MCM9: variants seen among roughly 807,000 people sequenced by gnomAD.
MCM9 encodes the protein DNA helicase MCM9.
A neutral mutation model predicts 72.8 loss-of-function variants in MCM9; 55 were observed. That is an observed-to-expected ratio of 0.76 (90% CI 0.61 to 0.95). The LOEUF (loss-of-function observed/expected upper bound fraction) is 0.95, where lower values mean the gene tolerates loss of function less well. Among genes scored for constraint, MCM9 ranks in the 40% least tolerant of loss-of-function variants. MCM9 has a pLI of 0.00. For synonymous variants in MCM9, 480 were observed against 503.4 expected (o/e 0.95, Z 0.62); for missense variants, 1,279 against 1,377.0 (o/e 0.93, Z 1.13).
intron 8 of MCM9, among the ~76,000 whole-genome samples, chr6:118,881,229 A>C (rs1778267782): frequency 6.6e-6 from 1 of 152,078 alleles, no homozygotes; most frequent in Admixed American, 6.6e-5. Flanking sequence ...ATTACGTATA[A>C]TTTTATAATA....
In MCM9 at chr6:118,913,309, C is replaced by G. The variant is rs1245406276; in HGVS notation, c.1016G>C (p.Gly339Ala). 1 of 1,614,114 alleles carries G rather than the reference C, an allele frequency of 6.2e-7. No homozygotes were observed. The highest frequency in any genetic ancestry group is 1.3e-5 in the African/African-American group (1 of 75,032). Residue 339 changes from glycine to alanine, a missense_variant, in exon 7 of 14, where the codon GGA (glycine) becomes GCA (alanine). Gly to Ala is a moderately conservative substitution (Grantham distance 60). Coordinates refer to ENST00000619706, the MANE Select transcript of MCM9 (RefSeq NM_017696.3). The part of the protein sequence containing the change: ...AGGIQRTDAT[G>A]TRVRGESHLL... ...TAGGTACTAACCTCTGACCCGTGTTCCTGTAGCATCAGTCCTTTGAATCCC... is the reference window on the plus strand; with the variant it reads ...TAGGTACTAACCTCTGACCCGTGTTGCTGTAGCATCAGTCCTTTGAATCCC...
At chr6:118,907,717 G>T in intron 8 of MCM9, 1 of 861,064 alleles carries the variant, frequency 1.2e-6, no homozygotes. Context: ...TGAAGAATTT[G>T]TTTAAAAACA....
At chr6:118,867,885 C>CT (rs1425137310) in intron 8 of MCM9, among the ~76,000 whole-genome samples, 3 of 142,894 alleles carry the variant, frequency 2.1e-5, no homozygotes, top group African/African-American at 5.1e-5. Flanking sequence ...TTTTCTTTTT[C>CT]TTTTTTTTTG....
chr6:118,854,023 T>C (rs1160017516), intron 9 of MCM9, among the ~76,000 whole-genome samples: 1 of 152,218 alleles, frequency 6.6e-6, no homozygotes, highest in Non-Finnish European at 1.5e-5. Context: ...TATAAATGTA[T>C]ATTTTATTTC....
At chr6:118,874,030 G>A (rs1777780152) in intron 8 of MCM9, among the ~76,000 whole-genome samples, 1 of 152,110 alleles carries the variant, frequency 6.6e-6, no homozygotes, top group Non-Finnish European at 1.5e-5. Context: ...AAGGTGGGCG[G>A]ATTGCTTGAG....
At chr6:118,825,370 A>G (rs1268147395) in intron 13 of MCM9, among the ~76,000 whole-genome samples, 1 of 152,206 alleles carries the variant, frequency 6.6e-6, no homozygotes, top group Non-Finnish European at 1.5e-5. Flanking sequence ...CTGAAGTTTC[A>G]AAAACTAGAA....
chr6:118,907,695 C>T lies in MCM9; in HGVS notation c.1150+3955G>A. 9 of 1,066,318 alleles carry T rather than the reference C, an allele frequency of 8.4e-6. No individual in the cohort carries two copies. The South Asian group carries it at 1.4e-4, about 17-fold the overall frequency. 66.1% of individuals were successfully genotyped at this position (1,066,318 alleles called of 1,614,324 possible). A position where few individuals can be genotyped will look rare whatever the true frequency, so the allele number is the denominator to read the frequency against. Reference sequence around the variant, plus strand: ...CCCTGAAATTCCGTAAGTACATAGTCAAAACACAATGTGAAGAATTTGTTT... The same window carrying T: ...CCCTGAAATTCCGTAAGTACATAGTTAAAACACAATGTGAAGAATTTGTTT... On this transcript the variant is annotated intron_variant, in intron 8 of 13. Coordinates refer to ENST00000619706, the MANE Select transcript of MCM9 (RefSeq NM_017696.3).
At chr6:118,876,432 TAC>T (rs1035611535) in intron 8 of MCM9, among the ~76,000 whole-genome samples, 1 of 152,230 alleles carries the variant, frequency 6.6e-6, no homozygotes, top group African/African-American at 2.4e-5. Context: ...GTAATGAATG[TAC>T]CACTCTGAAA....
chr6:118,842,765 T>C (rs1301146900), intron 9 of MCM9, among the ~76,000 whole-genome samples: 1 of 152,104 alleles, frequency 6.6e-6, no homozygotes, highest in African/African-American at 2.4e-5. Context: ...AGTGATCCTC[T>C]GCCTCAGCCT....
chr6:118,878,656 T>A (rs1248662612), intron 8 of MCM9, among the ~76,000 whole-genome samples: 1 of 152,054 alleles, frequency 6.6e-6, no homozygotes, highest in Admixed American at 6.6e-5. Context: ...CTGCTTTAAA[T>A]TAAAAAGTTG....
intron 8 of MCM9, chr6:118,894,518 T>G: frequency 6.5e-7 from 1 of 1,536,796 alleles, no homozygotes; most frequent in Non-Finnish European, 8.7e-7. Flanking sequence ...AGGACCTGTC[T>G]GAAGGTGAGT....
intron 8 of MCM9, among the ~76,000 whole-genome samples, chr6:118,899,941 C>G (rs772969142): frequency 9.9e-5 from 15 of 152,218 alleles, no homozygotes; most frequent in Non-Finnish European, 2.1e-4. Flanking sequence ...TCTTCCTCAG[C>G]TAAACAGGAG....
chr6:118,930,054 C>T (rs1782261203), intron 3 of MCM9, among the ~76,000 whole-genome samples: 1 of 151,964 alleles, frequency 6.6e-6, no homozygotes, highest in African/African-American at 2.4e-5. Flanking sequence ...GATTATAAAT[C>T]ACCACTCTTC....
At chr6:118,821,977 G>T (rs1346627561) in intron 13 of MCM9, among the ~76,000 whole-genome samples, 1 of 152,128 alleles carries the variant, frequency 6.6e-6, no homozygotes, top group Non-Finnish European at 1.5e-5. Flanking sequence ...GCTCCATCAG[G>T]TAATTTACGC....
intron 1 of MCM9, among the ~76,000 whole-genome samples, chr6:118,933,614 C>T (rs1473320071): frequency 6.6e-6 from 1 of 152,000 alleles, no homozygotes; most frequent in Non-Finnish European, 1.5e-5. Context: ...ATTTATTGTA[C>T]TGGACTCTAC....
At chr6:118,906,468 T>G (rs764915520) in intron 8 of MCM9, among the ~76,000 whole-genome samples, 9 of 152,202 alleles carry the variant, frequency 5.9e-5, no homozygotes, top group Non-Finnish European at 1.0e-4. Context: ...ATTTCAACCT[T>G]TAGGACAAAC....
chr6:118,907,752 C>T (rs1215887474), intron 8 of MCM9: 8 of 642,462 alleles, frequency 1.2e-5, no homozygotes, highest in Non-Finnish European at 2.1e-5. Context: ...TATAAGAAAA[C>T]CAGTATTTGA....
chr6:118,894,233 T>C, intron 8 of MCM9: 1 of 1,426,428 alleles, frequency 7.0e-7, no homozygotes, highest in Non-Finnish European at 9.1e-7. Flanking sequence ...ATAGGAAAGC[T>C]GCAAAACACT....
At chr6:118,839,232 G>A (rs745943477) in intron 9 of MCM9, among the ~76,000 whole-genome samples, 3 of 151,436 alleles carry the variant, frequency 2.0e-5, no homozygotes, top group Non-Finnish European at 4.4e-5. Flanking sequence ...TGATACTTCC[G>A]TATGCTTCAT....
Sources: allele counts gnomAD v4.1 joint callset (sites outside exome capture counted in the v4.1 genomes callset), GRCh38; gene constraint gnomAD v4.1.1; transcripts MANE v1.5; gene names NCBI Gene and HGNC (gene_info 2026-07-23, HGNC 2026-07-21).